The following GMDS variants were observed in gnomAD, a reference collection of about 807,000 sequenced individuals.
The protein encoded by GMDS is GDP-mannose 4,6 dehydratase.
A neutral mutation model predicts 49.9 loss-of-function variants in GMDS; 20 were observed. The observed-to-expected ratio is 0.40, with a 90% CI of 0.28 to 0.58. The LOEUF is 0.58. Ranked by LOEUF, GMDS falls within the 20% of genes least tolerant of loss-of-function variation. GMDS has a pLI of 0.42. For synonymous variants in GMDS, 177 were observed against 178.6 expected (o/e 0.99, Z 0.07); for missense variants, 362 against 481.4 (o/e 0.75, Z 2.32).
At chr6:2,197,345 T>C (rs1779317582) in intron 1 of GMDS, among the ~76,000 whole-genome samples, 1 of 152,196 alleles carries the variant, frequency 6.6e-6, no homozygotes, top group Admixed American at 6.5e-5. Context: ...GCCCAGGTTC[T>C]TGGTGGAGGG....
chr6:2,196,155 T>C (rs1455806557), intron 1 of GMDS, among the ~76,000 whole-genome samples: 1 of 152,210 alleles, frequency 6.6e-6, no homozygotes, highest in Non-Finnish European at 1.5e-5. Context: ...AAAAACTAGA[T>C]AAATTATTAC....
At chr6:2,031,568 G>C (rs1768967282) in intron 4 of GMDS, among the ~76,000 whole-genome samples, 1 of 152,122 alleles carries the variant, frequency 6.6e-6, no homozygotes, top group Admixed American at 6.6e-5. Context: ...AGGGTGACCA[G>C]AGATGGTCTC....
intron 9 of GMDS, among the ~76,000 whole-genome samples, chr6:1,702,511 G>A (rs958295245): frequency 6.6e-6 from 1 of 151,878 alleles, no homozygotes; most frequent in African/African-American, 2.4e-5. Context: ...GGCAGAGAAA[G>A]CAGCACCAAA....
chr6:1,868,226 C>A (rs1333761517), intron 7 of GMDS, among the ~76,000 whole-genome samples: 1 of 152,130 alleles, frequency 6.6e-6, no homozygotes, highest in Non-Finnish European at 1.5e-5. Flanking sequence ...ACCTTGTGAC[C>A]TGCCTGCCTC....
intron 7 of GMDS, among the ~76,000 whole-genome samples, chr6:1,909,998 T>C (rs1185154451): frequency 6.6e-6 from 1 of 152,198 alleles, no homozygotes; most frequent in Non-Finnish European, 1.5e-5. Context: ...CTGTGAAGTA[T>C]AAAATGTACA....
At chr6:1,712,961 C>T (rs747359592) in intron 9 of GMDS, among the ~76,000 whole-genome samples, 48 of 152,308 alleles carry the variant, frequency 3.2e-4, no homozygotes, top group African/African-American at 7.0e-4. Flanking sequence ...ACCAGGGACA[C>T]GGGGCAGACA....
chr6:1,642,068 T>C (rs560437470), intron 9 of GMDS, among the ~76,000 whole-genome samples: 1 of 151,070 alleles, frequency 6.6e-6, no homozygotes, highest in Non-Finnish European at 1.5e-5. Context: ...TTTCATCCTG[T>C]CCTCGCTCAC....
At chr6:1,856,025 G>A (rs1261334882) in intron 7 of GMDS, among the ~76,000 whole-genome samples, 1 of 152,048 alleles carries the variant, frequency 6.6e-6, no homozygotes, top group Non-Finnish European at 1.5e-5. Flanking sequence ...CCCCACAACC[G>A]TTTCAACATC....
chr6:1,816,220 G>A (rs1275874856), intron 7 of GMDS, among the ~76,000 whole-genome samples: 1 of 152,224 alleles, frequency 6.6e-6, no homozygotes, highest in Admixed American at 6.5e-5. Flanking sequence ...CCTACTGTGT[G>A]CTTGGCAACA....
At chr6:1,696,125 T>C (rs552742118) in intron 9 of GMDS, among the ~76,000 whole-genome samples, 2 of 152,232 alleles carry the variant, frequency 1.3e-5, no homozygotes, top group African/African-American at 2.4e-5. Context: ...TTCTGTTCCA[T>C]GATCTTGGCT....
intron 1 of GMDS, among the ~76,000 whole-genome samples, chr6:2,141,865 GCTCTCT>G (rs67628075): frequency 2.1e-5 from 3 of 145,696 alleles, no homozygotes. Context: ...GGTTGTGCGT[GCTCTCT>G]CTCTCTCTCT....
chr6:1,714,604 C>A (rs886890901), intron 9 of GMDS, among the ~76,000 whole-genome samples: 3 of 152,174 alleles, frequency 2.0e-5, no homozygotes, highest in African/African-American at 7.2e-5. Flanking sequence ...AGCCAGAGAA[C>A]TGAGTGTCTT....
At chr6:2,144,818 T>A (rs1776472433) in intron 1 of GMDS, among the ~76,000 whole-genome samples, 1 of 152,144 alleles carries the variant, frequency 6.6e-6, no homozygotes, top group African/African-American at 2.4e-5. Flanking sequence ...ATCCCCAGCA[T>A]AGTGACTGCA....
intron 1 of GMDS, among the ~76,000 whole-genome samples, chr6:2,156,999 C>T (rs1487936707): frequency 6.6e-6 from 1 of 151,980 alleles, no homozygotes; most frequent in South Asian, 2.1e-4. Flanking sequence ...TTTTTTCTAC[C>T]TGTGTATATA....
At chr6:1,668,236 A>G (rs887318142) in intron 9 of GMDS, among the ~76,000 whole-genome samples, 1 of 152,218 alleles carries the variant, frequency 6.6e-6, no homozygotes, top group African/African-American at 2.4e-5. Context: ...GAGTTTCCAA[A>G]TAAGTAGGAT....
At chr6:1,931,401 G>C (rs900684333) in intron 6 of GMDS, among the ~76,000 whole-genome samples, 1 of 152,174 alleles carries the variant, frequency 6.6e-6, no homozygotes, top group Non-Finnish European at 1.5e-5. Context: ...AACTTGATAC[G>C]TACATTTATA....
At chr6:1,705,532 G>C (rs1008630708) in intron 9 of GMDS, among the ~76,000 whole-genome samples, 1 of 152,244 alleles carries the variant, frequency 6.6e-6, no homozygotes, top group Admixed American at 6.5e-5. Context: ...AACAGTTACA[G>C]TAAGTGATAA....
At chr6:2,087,299 T>G (rs1412812019) in intron 4 of GMDS, among the ~76,000 whole-genome samples, 1 of 152,242 alleles carries the variant, frequency 6.6e-6, no homozygotes, top group African/African-American at 2.4e-5. Context: ...GATGATTACT[T>G]CTTTTGTATA....
intron 7 of GMDS, among the ~76,000 whole-genome samples, chr6:1,878,030 C>A (rs367871161): frequency 5.9e-5 from 9 of 152,038 alleles, no homozygotes; most frequent in African/African-American, 2.2e-4. Flanking sequence ...TTTAAGAAGT[C>A]CTGCTGGGCG....
Sources: gnomAD v4.1 joint callset for allele counts (sites outside exome capture counted in the v4.1 genomes callset) on GRCh38, gnomAD v4.1.1 for gene constraint, MANE v1.5 for transcripts, NCBI Gene and HGNC (gene_info 2026-07-23, HGNC 2026-07-21) for gene names.